KLHL29: variants seen among roughly 807,000 people sequenced by gnomAD.
KLHL29 encodes kelch-like protein 29.
KLHL29 carries 21 observed loss-of-function variants against 80.4 expected under a neutral mutation model. The observed-to-expected ratio is 0.26, with a 90% CI of 0.19 to 0.38. The LOEUF (loss-of-function observed/expected upper bound fraction) is 0.38, where lower values mean the gene tolerates loss of function less well. Among genes scored for constraint, KLHL29 ranks in the 10% least tolerant of loss-of-function variants. KLHL29 has a pLI of 1.00. For missense variants in KLHL29, 867 were observed against 1,223.9 expected (o/e 0.71, Z 4.35); for synonymous variants, 511 against 526.8 (o/e 0.97, Z 0.41).
Position 23,642,653 on chromosome 2 carries a change from G to A in KLHL29, c.743G>A (p.Gly248Glu). The stretch of plus-strand genomic sequence containing the variant: ...GGTGTGGGGCAGGTGGCCCGCCCAG[G>A]ACCCACCGCTGTGGGCAACGGCCAC... ...LPGVGQVARP[G>E]PTAVGNGHMA... The change falls in exon 5 of 14, where the codon GGA becomes GAA. Residue 248 changes from glycine (G) to glutamate (E), a missense_variant. By Grantham distance (98) the Gly-to-Glu change is moderately conservative. This residue lies in a region of KLHL29 where 424 missense variants were observed against 456.9 expected (regional missense o/e 0.93). Transcript: ENST00000486442. 1.3e-6 allele frequency: 2 copies of A among 1,548,676 alleles called. No homozygotes were observed. Among genetic ancestry groups the A allele is most frequent in the Non-Finnish European group, 1.7e-6 (2 of 1,145,932 alleles).
At chr2:23,692,788 C>G (rs112285648) in intron 7 of KLHL29, among the ~76,000 whole-genome samples, 1 of 152,026 alleles carries the variant, frequency 6.6e-6, no homozygotes, top group East Asian at 1.9e-4. Flanking sequence ...CAGAGCCTAG[C>G]GAGCCAGATT....
intron 3 of KLHL29, among the ~76,000 whole-genome samples, chr2:23,618,300 G>A (rs1432835780): frequency 6.6e-6 from 1 of 152,150 alleles, no homozygotes; most frequent in Admixed American, 6.5e-5. Flanking sequence ...ACTTGACCAG[G>A]CCACAAGGTG....
chr2:23,541,818 A>G (rs1160999111), intron 2 of KLHL29, among the ~76,000 whole-genome samples: 1 of 151,016 alleles, frequency 6.6e-6, no homozygotes, highest in East Asian at 1.9e-4. Flanking sequence ...GGACAGCAGC[A>G]GGGCTGGTGC....
At chr2:23,465,268 C>A (rs985970467) in intron 1 of KLHL29, among the ~76,000 whole-genome samples, 2 of 152,178 alleles carry the variant, frequency 1.3e-5, no homozygotes, top group Non-Finnish European at 2.9e-5. Flanking sequence ...GATGGGAGCC[C>A]TGGCATCCTG....
At chr2:23,431,963 A>G (rs1290746860) in intron 1 of KLHL29, among the ~76,000 whole-genome samples, 2 of 151,956 alleles carry the variant, frequency 1.3e-5, no homozygotes, top group Non-Finnish European at 2.9e-5. Context: ...ATCAGAAAAT[A>G]TGAACCAAAA....
chr2:23,455,516 T>C (rs1056620767), intron 1 of KLHL29, among the ~76,000 whole-genome samples: 1 of 152,202 alleles, frequency 6.6e-6, no homozygotes, highest in African/African-American at 2.4e-5. Context: ...TTTATTTGCC[T>C]TTCTGCTCTA....
chr2:23,603,202 G>A (rs762650424), intron 3 of KLHL29, among the ~76,000 whole-genome samples: 2 of 152,146 alleles, frequency 1.3e-5, no homozygotes, highest in African/African-American at 2.4e-5. Context: ...CCCTGGAACC[G>A]TGAGAAATGC....
Position 23,571,298 on chromosome 2 carries a change from G to C in KLHL29, c.285+8817G>C, listed in dbSNP as rs79695073. Among the ~76,000 whole-genome samples the C allele has an allele frequency of 8.3e-4, 126 of 152,358 alleles. 1 individual carries two copies. The highest frequency in any genetic ancestry group is 3.0e-3 in the African/African-American group (124 of 41,584). On this transcript the variant is annotated intron_variant, in intron 3 of 13. Transcript: ENST00000486442. The stretch of plus-strand genomic sequence containing the variant: ...GGCGTGGGCTGAGCCTGCCTGGTGA[G>C]TTGATTGTGCCAGCTGCAGGCAGAG...
intron 3 of KLHL29, among the ~76,000 whole-genome samples, chr2:23,631,430 C>G (rs1393756787): frequency 6.6e-6 from 1 of 152,232 alleles, no homozygotes; most frequent in African/African-American, 2.4e-5. Context: ...TTTAAACCAT[C>G]ATGCAGTTTC....
intron 2 of KLHL29, among the ~76,000 whole-genome samples, chr2:23,542,744 C>T (rs931317628): frequency 1.3e-5 from 2 of 152,146 alleles, no homozygotes; most frequent in African/African-American, 4.8e-5. Flanking sequence ...CCTGGACCAA[C>T]TACAAGTTGC....
intron 3 of KLHL29, among the ~76,000 whole-genome samples, chr2:23,610,041 AG>A (rs776316364): frequency 5.5e-4 from 84 of 152,182 alleles, no homozygotes; most frequent in Non-Finnish European, 2.6e-4. Context: ...TACCCCTGAC[AG>A]TCCCTCAGGG....
intron 3 of KLHL29, among the ~76,000 whole-genome samples, chr2:23,610,409 T>C (rs1668829973): frequency 1.3e-5 from 2 of 152,252 alleles, no homozygotes; most frequent in Non-Finnish European, 1.5e-5. Context: ...GGACATTTTC[T>C]TCATCTTTTC....
At chr2:23,454,887 G>A (rs555425910) in intron 1 of KLHL29, among the ~76,000 whole-genome samples, 1 of 151,536 alleles carries the variant, frequency 6.6e-6, no homozygotes, top group Non-Finnish European at 1.5e-5. Flanking sequence ...AGATTAAACA[G>A]CCAGGTTGTC....
intron 5 of KLHL29, 42 bp downstream of exon 5, chr2:23,642,892 G>A: frequency 6.5e-7 from 1 of 1,548,686 alleles, no homozygotes; most frequent in Non-Finnish European, 8.7e-7. Context: ...GCCTGCGTCT[G>A]CACCTCCCTG....
At chr2:23,399,900 A>G (rs1053106805) in intron 1 of KLHL29, among the ~76,000 whole-genome samples, 9 of 152,090 alleles carry the variant, frequency 5.9e-5, no homozygotes, top group African/African-American at 1.9e-4. Context: ...GTGTCCCTGG[A>G]GTTAACTCTA....
At chr2:23,542,197 T>C (rs555633309) in intron 2 of KLHL29, among the ~76,000 whole-genome samples, 1 of 152,352 alleles carries the variant, frequency 6.6e-6, no homozygotes, top group South Asian at 2.1e-4. Context: ...ATTTCTTCCC[T>C]GGTTAATACT....
intron 5 of KLHL29, chr2:23,672,780 G>A (rs1048672490): frequency 6.6e-6 from 1 of 152,460 alleles, no homozygotes; most frequent in Non-Finnish European, 1.5e-5. Flanking sequence ...GGCACCTGAT[G>A]ATATGCTTTG....
chr2:23,651,606 G>A (rs1473269191), intron 5 of KLHL29, among the ~76,000 whole-genome samples: 2 of 152,188 alleles, frequency 1.3e-5, no homozygotes, highest in Non-Finnish European at 2.9e-5. Context: ...CAGGGAGAGG[G>A]ATTGTCACCT....
chr2:23,415,085 A>G (rs1666952699), intron 1 of KLHL29, among the ~76,000 whole-genome samples: 1 of 152,216 alleles, frequency 6.6e-6, no homozygotes, highest in Non-Finnish European at 1.5e-5. Context: ...TTGGTCCAGA[A>G]CAGCACCACC....
Sources: gnomAD v4.1 joint callset for allele counts (sites outside exome capture counted in the v4.1 genomes callset) on GRCh38, gnomAD v4.1.1 for gene constraint, gnomAD v4.1.1 regional missense constraint, MANE v1.5 for transcripts, NCBI Gene and HGNC (gene_info 2026-07-23, HGNC 2026-07-21) for gene names.